Variants in TTN observed in about 807,000 individuals in gnomAD.
TTN encodes connectin.
TTN carries 1,525 observed loss-of-function variants against 3,223.0 expected under a neutral mutation model. The ratio of observed to expected loss-of-function variants is 0.47; its 90% confidence interval spans 0.45 to 0.49. The LOEUF is 0.49. TTN is among the 20% of genes least tolerant of loss of function. TTN has a pLI of 0.00. For synonymous variants in TTN, 14,094 were observed against 15,161.0 expected (o/e 0.93, Z 5.17); for missense variants, 40,786 against 43,424.0 (o/e 0.94, Z 5.40).
chr2:178,554,279 G>T, intron 332 of TTN, 63 bp from the exon 333 acceptor site: 1 of 1,479,536 alleles, frequency 6.8e-7, no homozygotes, highest in South Asian at 1.3e-5. Context: ...TTATACCTTT[G>T]ATGTTCGCAT....
chr2:178,777,485 T>C lies in TTN; in HGVS notation c.4580A>G (p.Glu1527Gly). ...CCTGTTTTGGGCAACCACAGTCCAT[T>C]CCCCAGAATCACTGGGTGTGGCAGG... ...IVPATPSDSG[E>G]WTVVAQNRAG... Residue 1527 changes from glutamate (E) to glycine (G), a missense_variant, in exon 26 of 363, where the codon GAA becomes GGA. Coordinates refer to ENST00000589042, the MANE Select transcript of TTN (RefSeq NM_001267550.2). 1 of 1,613,972 alleles carries C rather than the reference T, an allele frequency of 6.2e-7. No individual in the cohort carries two copies. The highest frequency in any genetic ancestry group is 8.5e-7 in the Non-Finnish European group (1 of 1,179,952).
intron 253 of TTN, 99 bp from the exon 254 acceptor site, chr2:178,617,611 T>G (rs2057590599): frequency 1.4e-6 from 2 of 1,405,746 alleles, no homozygotes; most frequent in African/African-American, 1.5e-5. Flanking sequence ...AACAGGTTTA[T>G]CAAATTCACT....
intron 58 of TTN, 41 bp downstream of exon 58, chr2:178,731,652 C>T: frequency 6.3e-7 from 1 of 1,575,318 alleles, no homozygotes; most frequent in Non-Finnish European, 8.6e-7. Flanking sequence ...AAAGAATTGA[C>T]TCTTCAGAAA....
rs556498170 is a variant in TTN at position 178,636,417 on chromosome 2, C to T, written c.41310G>A (p.Thr13770=). ...LRLGNKEKTS[T]AKLVVEELPV... ...AATTACCTTCTACAACAAGTTTAGCCGTGGAGGTCTTTTCTTTGTTTCCCA... is the reference window on the plus strand; with the variant it reads ...AATTACCTTCTACAACAAGTTTAGCTGTGGAGGTCTTTTCTTTGTTTCCCA... The change falls in exon 225 of 363, where the codon ACG becomes ACA. Residue 13770 remains threonine (T), a synonymous_variant. Transcript: ENST00000589042. The surrounding 1 kb of genome is among the most constrained non-coding windows in gnomAD (Gnocchi z 4.3). 47 of 1,607,954 alleles carry T rather than the reference C, an allele frequency of 2.9e-5. 1 individual carries two copies. Among genetic ancestry groups the T allele is most frequent in the Admixed American group, 2.7e-4 (16 of 59,508 alleles).
At position 178,581,966 on chromosome 2, in the gene TTN, T is replaced by C; in HGVS notation, c.66403A>G (p.Lys22135Glu). ...TCACTGGGTTTGCCTGGTCCAGCTT[T>C]ATTTATAGCTGTAACACGGAACTCA... ...EYEFRVTAINKAGPGKPSDAS... is the reference protein window; with the variant it reads ...EYEFRVTAINEAGPGKPSDAS... The change falls in exon 315 of 363, where the codon AAA becomes GAA. Residue 22135 changes from lysine to glutamate, a missense_variant. Coordinates refer to ENST00000589042, the MANE Select transcript of TTN (RefSeq NM_001267550.2). The C allele has an allele frequency of 1.2e-6, 2 of 1,613,302 alleles. No homozygotes were observed. Among genetic ancestry groups the C allele is most frequent in the Non-Finnish European group, 8.5e-7 (1 of 1,179,504 alleles).
chr2:178,740,790 GGAGATGGTTCCTTGAGAGGCT>G lies in TTN; in HGVS notation c.12422_12442del (p.Gln4141_Ser4147del). 1.9e-6 allele frequency: 3 copies of G among 1,613,484 alleles called. No homozygotes were observed. The highest frequency in any genetic ancestry group is 2.5e-6 in the Non-Finnish European group (3 of 1,179,634). On this transcript the variant is annotated inframe_deletion, in exon 48 of 363. Transcript: ENST00000589042. ...CTGTACAATCTGCAGCTGTAGGTTG[GGAGATGGTTCCTTGAGAGGCT>G]GAAAGTGAATACTGCCATTGATGCA...
chr2:178,782,000 G>T (rs2092815642), intron 20 of TTN, among the ~76,000 whole-genome samples: 1 of 151,808 alleles, frequency 6.6e-6, no homozygotes. Context: ...ATAATGTAAA[G>T]AAATATATCT....
chr2:178,692,091 C>A lies in TTN; in HGVS notation c.31687G>T (p.Val10563Phe). The stretch of plus-strand genomic sequence containing the variant: ...TCCTCTGGCACGGGTTTCTTGGGAA[C>A]CTCAGGAACTTTAAAGATACAATTG... ...VEPPAPKVPE[V>F]PKKPVPEEKK... Residue 10563 changes from valine (V) to phenylalanine (F), a missense_variant, in exon 121 of 363, where the codon GTT (valine) becomes TTT (phenylalanine). Coordinates refer to ENST00000589042, the MANE Select transcript of TTN (RefSeq NM_001267550.2). 1.2e-6 allele frequency: 2 copies of A among 1,611,730 alleles called. No homozygotes were observed. The highest frequency in any genetic ancestry group is 1.3e-5 in the African/African-American group (1 of 74,928).
At position 178,779,237 on chromosome 2, in the gene TTN, A is replaced by T. The variant is rs376633286; in HGVS notation, c.3955T>A (p.Leu1319Ile). 4.3e-6 allele frequency: 7 copies of T among 1,613,672 alleles called. No homozygotes were observed. The African/African-American group carries it at 6.7e-5, about 15-fold the overall frequency. The change falls in exon 23 of 363, where the codon TTA (leucine) becomes ATA (isoleucine). Residue 1319 changes from leucine (L) to isoleucine (I), a missense_variant. Leu to Ile is a conservative substitution (Grantham distance 5, BLOSUM62 2). Coordinates refer to ENST00000589042, the MANE Select transcript of TTN (RefSeq NM_001267550.2). ...TFHCKMSGYP[L>I]PKIAWYKDGK... The stretch of plus-strand genomic sequence containing the variant: ...AAATGTTTATATTTTACCTTTGGTA[A>T]TGGATATCCAGACATCTTGCAATGA...
At chr2:178,680,193 A>T in intron 139 of TTN, 61 bp downstream of exon 139, 1 of 1,597,150 alleles carries the variant, frequency 6.3e-7, no homozygotes, top group Non-Finnish European at 8.6e-7. Flanking sequence ...CACACACAGA[A>T]CTGAAGAGGA....
chr2:178,711,431 TA>T, intron 96 of TTN, 82 bp from the exon 97 acceptor site: 1 of 1,330,214 alleles, frequency 7.5e-7, no homozygotes, highest in Non-Finnish European at 1.0e-6. Flanking sequence ...AACGCACGTA[TA>T]TATGCAATTT....
rs2062596694 is a variant in TTN at position 178,649,611 on chromosome 2, C to A, written c.39916G>T (p.Val13306Phe). ...GTTGGGACCTTCTTCACTGGAACAA[C>A]TTTCTTTGGCATCTCAGGTTCTTTA... The part of the protein sequence containing the change: ...PPKEPEMPKK[V>F]VPVKKVPTVK... Residue 13306 changes from valine (V) to phenylalanine (F), a missense_variant, in exon 212 of 363, where the codon GTT (valine) becomes TTT (phenylalanine). Coordinates refer to ENST00000589042, the MANE Select transcript of TTN (RefSeq NM_001267550.2). 2 of 1,550,230 alleles carry A rather than the reference C, an allele frequency of 1.3e-6. No homozygotes were observed. The highest frequency in any genetic ancestry group is 1.4e-5 in the African/African-American group (1 of 73,000).
chr2:178,776,730 A>G lies in TTN; in HGVS notation c.5134T>C (p.Leu1712=), dbSNP rs780541000. 6.2e-7 allele frequency: 1 copy of G among 1,614,128 alleles called. No homozygotes were observed. The highest frequency in any genetic ancestry group is 8.5e-7 in the Non-Finnish European group (1 of 1,180,022). The change falls in exon 28 of 363, where the codon TTA becomes CTA. Residue 1712 remains leucine (L), a synonymous_variant. Transcript: ENST00000589042. ...GCAGGCCCAAAGCGCTTAAGTCTTA[A>G]GGAAGTGAGTTTTTTCTTGAAAAAT... ...KPFFKKKLTS[L]RLKRFGPAHF...
chr2:178,717,396 A>C lies in TTN; in HGVS notation c.25352-14T>G. ...GCACTTCATGCTCTGAAAAGAATGA[A>C]GACCAACATGGTGATTTTTATTTCC... On this transcript the variant is annotated splice_polypyrimidine_tract_variant and intron_variant, in intron 87 of 362. Transcript: ENST00000589042. 6.3e-7 allele frequency: 1 copy of C among 1,596,068 alleles called. No homozygotes were observed. The highest frequency in any genetic ancestry group is 1.1e-5 in the South Asian group (1 of 89,010).
rs1575170446 is a variant in TTN, at chr2:178,527,192, A to G, written c.107796T>C (p.Cys35932=). 6.2e-7 allele frequency: 1 copy of G among 1,613,960 alleles called. No individual in the cohort carries two copies. ...CTTGACTGTGGATTTTTCTTCCACC[A>G]CAGGACCATGTTACTTCTGGGGTAG... The part of the protein sequence containing the change: ...GEPTPEVTWS[C]GGRKIHSQEQ... The change falls in exon 363 of 363, where the codon TGT becomes TGC. Residue 35932 remains cysteine, a synonymous_variant. Coordinates refer to ENST00000589042, the MANE Select transcript of TTN (RefSeq NM_001267550.2).
At position 178,539,943 on chromosome 2, in the gene TTN, C is replaced by T. The variant is rs1428233034; in HGVS notation, c.98122G>A (p.Glu32708Lys). The T allele has an allele frequency of 4.3e-6, 7 of 1,613,366 alleles. No individual in the cohort carries two copies. The Admixed American group carries it at 1.0e-4, about 23-fold the overall frequency. The change falls in exon 352 of 363, where the codon GAA becomes AAA. Residue 32708 changes from glutamate (E) to lysine (K), a missense_variant. Transcript: ENST00000589042. Reference sequence around the variant, plus strand: ...ACAAAGATACCTTCTTGGTATCTTTCATCAAGTTCATAATCAGGATATTCT... The same window carrying T: ...ACAAAGATACCTTCTTGGTATCTTTTATCAAGTTCATAATCAGGATATTCT... The part of the protein sequence containing the change: ...MLEYPDYELD[E>K]RYQEGIFVRQ...
At position 178,800,451 on chromosome 2, in the gene TTN, A is replaced by G; in HGVS notation, c.527T>C (p.Val176Ala). The G allele has an allele frequency of 6.2e-7, 1 of 1,614,118 alleles. No individual in the cohort carries two copies. Among genetic ancestry groups the G allele is most frequent in the East Asian group, 2.2e-5 (1 of 44,876 alleles). Residue 176 changes from valine (V) to alanine (A), a missense_variant, in exon 4 of 363, where the codon GTA becomes GCA. Transcript: ENST00000589042. ...AYPEDSGTYSVNATNSVGRAT... is the reference protein window; with the variant it reads ...AYPEDSGTYSANATNSVGRAT... The stretch of plus-strand genomic sequence containing the variant: ...TCTTCCAACGCTATTGGTGGCATTT[A>G]CTGAATAGGTCCCTGAGTCCTCAGG...
chr2:178,530,775 G>T lies in TTN; in HGVS notation c.105840C>A (p.Leu35280=). Residue 35280 remains leucine (L), a synonymous_variant, in exon 358 of 363, where the codon CTC becomes CTA. Transcript: ENST00000589042. ...TAATCTTTGGTGGGGCAGAGACTGG[G>T]AGGTGCTGAACTTTCTCTGTTGGTG... ...KPTPTEKVQH[L]PVSAPPKITQ... is the part of the protein sequence containing the mutation. The T allele has an allele frequency of 6.2e-7, 1 of 1,613,868 alleles. No individual in the cohort carries two copies.
At position 178,568,884 on chromosome 2, in the gene TTN, G is replaced by T. The variant is rs1575714442; in HGVS notation, c.77248C>A (p.Arg25750=). ...KHSEKWSECA[R]VKSLQAVITN... is the part of the protein sequence containing the mutation. Reference sequence around the variant, plus strand: ...ATTACTGCCTGAAGAGACTTTACTCGAGCACACTCTGACCATTTCTCACTG... The same window carrying T: ...ATTACTGCCTGAAGAGACTTTACTCTAGCACACTCTGACCATTTCTCACTG... Residue 25750 remains arginine, a synonymous_variant, in exon 326 of 363, where the codon CGA becomes AGA. Transcript: ENST00000589042. 6.2e-7 allele frequency: 1 copy of T among 1,612,974 alleles called. No individual in the cohort carries two copies. The highest frequency in any genetic ancestry group is 8.5e-7 in the Non-Finnish European group (1 of 1,179,520).
Sources: allele counts gnomAD v4.1 joint callset (sites outside exome capture counted in the v4.1 genomes callset), GRCh38; gene constraint gnomAD v4.1.1; non-coding constraint Gnocchi (gnomAD v3.1); transcripts MANE v1.5; gene names NCBI Gene and HGNC (gene_info 2026-07-23, HGNC 2026-07-21).